The following RABIF variants were observed in gnomAD, a reference collection of about 807,000 sequenced individuals.
The protein encoded by RABIF is RAB interacting factor, also known as guanine nucleotide exchange factor MSS4.
RABIF carries 13 observed loss-of-function variants against 12.3 expected under a neutral mutation model. The observed-to-expected ratio is 1.06, with a 90% confidence interval of 0.69 to 1.68. The LOEUF is 1.68. RABIF is among the 40% of genes most tolerant of loss of function. The pLI is 0.00. For missense variants in RABIF, 153 were observed against 158.0 expected, an observed-to-expected ratio of 0.97 and a Z score of 0.17; for synonymous variants, 70 against 63.3, an observed-to-expected ratio of 1.11 and a Z score of -0.50.
At position 202,878,403 on chromosome 1, in the gene RABIF, G is replaced by A. The variant is rs1037269803; in HGVS notation, c.*2575C>T. ...GGTTCCCATCTCCTCTGCTGTCCTG[G>A]TTTAGCAATTCTTCAAAGTCAAGTC... On this transcript the variant is annotated 3_prime_UTR_variant, in exon 2 of 2. Transcript: ENST00000367262. Among the ~76,000 whole-genome samples, 1 of 152,124 alleles carries A rather than the reference G, an allele frequency of 6.6e-6. No individual in the cohort carries two copies.
intron 1 of RABIF, among the ~76,000 whole-genome samples, chr1:202,887,327 A>G (rs1182715458): frequency 6.6e-6 from 1 of 151,836 alleles, no homozygotes; most frequent in African/African-American, 2.4e-5. Flanking sequence ...AAACTTTCTT[A>G]AAACATTATG....
At position 202,881,166 on chromosome 1, in the gene RABIF, C is replaced by T. The variant is rs554345924; in HGVS notation, c.184G>A (p.Gly62Ser). ...PALSDGSNPD[G>S]DLLQEHWLVE... is the part of the protein sequence containing the mutation. ...AGCCAGTGTTCCTGGAGGAGATCGC[C>T]GTCAGGATTGCTGCCGTCAGACAGA... The change falls in exon 2 of 2, where the codon GGC becomes AGC. Residue 62 changes from glycine to serine, a missense_variant. This residue lies in a region of RABIF where 113 missense variants were observed against 90.9 expected (regional missense o/e 1.24). Transcript: ENST00000367262. The T allele has an allele frequency of 2.9e-5, 47 of 1,614,116 alleles. No homozygotes were observed. The highest frequency in any genetic ancestry group is 2.8e-4 in the Admixed American group (17 of 60,016).
chr1:202,884,344 A>AT (rs1322565513), intron 1 of RABIF, among the ~76,000 whole-genome samples: 32 of 152,120 alleles, frequency 2.1e-4, no homozygotes, highest in African/African-American at 7.2e-4. Context: ...CTTTTTCGTA[A>AT]TCTTTTTCCC....
chr1:202,882,040 C>G (rs1271363385), intron 1 of RABIF, among the ~76,000 whole-genome samples: 2 of 152,308 alleles, frequency 1.3e-5, no homozygotes, highest in East Asian at 1.9e-4. Flanking sequence ...TGCACATTAG[C>G]TTGGGCAACA....
At chr1:202,883,133 C>G (rs926032082) in intron 1 of RABIF, among the ~76,000 whole-genome samples, 10 of 152,170 alleles carry the variant, frequency 6.6e-5, no homozygotes, top group Non-Finnish European at 1.2e-4. Flanking sequence ...TTTGTTACCC[C>G]TCTGCTCCTC....
rs1278012020 is a variant in RABIF at position 202,878,502 on chromosome 1, A to G, written c.*2476T>C. 6.6e-6 allele frequency among the ~76,000 whole-genome samples: 1 copy of G among 152,236 alleles called. No individual in the cohort carries two copies. The highest frequency in any genetic ancestry group is 1.9e-4 in the East Asian group (1 of 5,202). ...TTTCTAGTTAACCAGTGAGCTGGGT[A>G]GTCCAAAGGACCTATCCACCATTAT... On this transcript the variant is annotated 3_prime_UTR_variant, in exon 2 of 2. Coordinates refer to ENST00000367262, the MANE Select transcript of RABIF (RefSeq NM_002871.5).
chr1:202,881,734 G>GGGGCACCAGCTGGGTGA (rs1659494999), intron 1 of RABIF, among the ~76,000 whole-genome samples: 2 of 152,016 alleles, frequency 1.3e-5, no homozygotes, highest in Non-Finnish European at 2.9e-5. Context: ...CAGCTGGGTG[G>GGGGCACCAGCTGGGTGA]TCTGGGAACT....
At chr1:202,883,305 T>A (rs946808706) in intron 1 of RABIF, among the ~76,000 whole-genome samples, 1 of 152,246 alleles carries the variant, frequency 6.6e-6, no homozygotes, top group African/African-American at 2.4e-5. Context: ...TAACTGGGGT[T>A]ACAGTACAAG....
At chr1:202,881,951 C>CT (rs1345248271) in intron 1 of RABIF, among the ~76,000 whole-genome samples, 1 of 152,240 alleles carries the variant, frequency 6.6e-6, no homozygotes, top group Non-Finnish European at 1.5e-5. Flanking sequence ...CCTGAATTAG[C>CT]TTTACTTACT....
chr1:202,888,858 G>A (rs1571506884), intron 1 of RABIF, 115 bp downstream of exon 1: 3 of 1,385,256 alleles, frequency 2.2e-6, no homozygotes, highest in East Asian at 5.7e-5. Context: ...GGGGCTTAAG[G>A]CCGCGCGAGG....
intron 1 of RABIF, among the ~76,000 whole-genome samples, chr1:202,886,223 C>CAA (rs1557979767): frequency 4.9e-5 from 2 of 40,436 alleles, no homozygotes; most frequent in Admixed American, 6.8e-4. Context: ...TGACAGAGCA[C>CAA]AACGGGGAAC....
Position 202,889,034 on chromosome 1 carries a change from A to C in RABIF, c.65T>G (p.Leu22Arg), listed in dbSNP as rs1234888434. ...SAEGRNRKAVLCQRCGSRVLQ... is the reference protein window; with the variant it reads ...SAEGRNRKAVRCQRCGSRVLQ... ...CACCCGGGAGCCGCAACGCTGGCAC[A>C]GCACCGCCTTCCGGTTTCGGCCCTC... The change falls in exon 1 of 2, where the codon CTG becomes CGG. Residue 22 changes from leucine (L) to arginine (R), a missense_variant. By Grantham distance (102) the Leu-to-Arg change is moderately radical. Coordinates refer to ENST00000367262, the MANE Select transcript of RABIF (RefSeq NM_002871.5). 1 of 1,609,366 alleles carries C rather than the reference A, an allele frequency of 6.2e-7. No individual in the cohort carries two copies. Among genetic ancestry groups the C allele is most frequent in the African/African-American group, 1.3e-5 (1 of 74,824 alleles).
rs1659464957 is a variant in RABIF, at chr1:202,880,040, C to T, written c.*938G>A. Reference sequence around the variant, plus strand: ...CAGAGATTCCAGTTGAACCAAAACTCCATGAGGACCATGCCCAGTAGGTTC... The same window carrying T: ...CAGAGATTCCAGTTGAACCAAAACTTCATGAGGACCATGCCCAGTAGGTTC... On this transcript the variant is annotated 3_prime_UTR_variant, in exon 2 of 2. Coordinates refer to ENST00000367262, the MANE Select transcript of RABIF (RefSeq NM_002871.5). 1 of 152,180 alleles carries T rather than the reference C, an allele frequency of 6.6e-6. No homozygotes were observed. The highest frequency in any genetic ancestry group is 6.5e-5 in the Admixed American group (1 of 15,280). 9.4% of individuals were successfully genotyped at this position (152,180 alleles called of 1,614,324 possible). A position where few individuals can be genotyped will look rare whatever the true frequency, so the allele number is the denominator to read the frequency against.
At position 202,879,825 on chromosome 1, in the gene RABIF, C is replaced by T. The variant is rs894232184; in HGVS notation, c.*1153G>A. ...AGTAGAGGTGGTGACAGGAGGATAC[C>T]TGAAACCTTGGTTATATAATAAACT... On this transcript the variant is annotated 3_prime_UTR_variant, in exon 2 of 2. Transcript: ENST00000367262. The T allele has an allele frequency of 8.5e-5, 13 of 152,150 alleles. No homozygotes were observed. The highest frequency in any genetic ancestry group is 3.3e-4 in the Admixed American group (5 of 15,280). The allele number at this position is 152,150 out of a possible 1,614,324, so 9.4% of individuals were successfully genotyped here. A position where few individuals can be genotyped will look rare whatever the true frequency, so the allele number is the denominator to read the frequency against.
intron 1 of RABIF, among the ~76,000 whole-genome samples, chr1:202,888,617 G>A (rs1659599608): frequency 6.6e-6 from 1 of 152,214 alleles, no homozygotes; most frequent in Non-Finnish European, 1.5e-5. Context: ...AGCTCCGAGA[G>A]CCGGAATGGG....
At position 202,878,804 on chromosome 1, in the gene RABIF, T is replaced by C. The variant is rs1362565428; in HGVS notation, c.*2174A>G. 6.6e-6 allele frequency among the ~76,000 whole-genome samples: 1 copy of C among 152,204 alleles called. No homozygotes were observed. The highest frequency in any genetic ancestry group is 1.5e-5 in the Non-Finnish European group (1 of 68,040). On this transcript the variant is annotated 3_prime_UTR_variant, in exon 2 of 2. Coordinates refer to ENST00000367262, the MANE Select transcript of RABIF (RefSeq NM_002871.5). ...TCACAAGTATGTACTGAGAGCCTATTAGGTGTGAGGGAAATGAAGAAATGA... is the reference window on the plus strand; with the variant it reads ...TCACAAGTATGTACTGAGAGCCTATCAGGTGTGAGGGAAATGAAGAAATGA...
chr1:202,882,487 T>C (rs1363938542), intron 1 of RABIF, among the ~76,000 whole-genome samples: 4 of 152,086 alleles, frequency 2.6e-5, no homozygotes, highest in Non-Finnish European at 5.9e-5. Flanking sequence ...GCCGGGGAGA[T>C]TGAGACTACA....
Position 202,881,178 on chromosome 1 carries a change from T to C in RABIF, c.172A>G (p.Ser58Gly), listed in dbSNP as rs1275514305. 1.2e-6 allele frequency: 2 copies of C among 1,614,186 alleles called. No homozygotes were observed. Among genetic ancestry groups the C allele is most frequent in the South Asian group, 1.1e-5 (1 of 91,084 alleles). ...TGGAGGAGATCGCCGTCAGGATTGC[T>C]GCCGTCAGACAGAGCTGGCTTCTTT... ...MRKKPALSDG[S>G]NPDGDLLQEH... The change falls in exon 2 of 2, where the codon AGC becomes GGC. Residue 58 changes from serine (S) to glycine (G), a missense_variant. Coordinates refer to ENST00000367262, the MANE Select transcript of RABIF (RefSeq NM_002871.5).
chr1:202,888,179 A>G (rs950777476), intron 1 of RABIF, among the ~76,000 whole-genome samples: 1 of 152,222 alleles, frequency 6.6e-6, no homozygotes, highest in Non-Finnish European at 1.5e-5. Context: ...GGATGTGTCT[A>G]TGGTTGAAAT....
Sources: gnomAD v4.1 joint callset for allele counts (sites outside exome capture counted in the v4.1 genomes callset) on GRCh38, gnomAD v4.1.1 for gene constraint, gnomAD v4.1.1 regional missense constraint, MANE v1.5 for transcripts, NCBI Gene and HGNC (gene_info 2026-07-23, HGNC 2026-07-21) for gene names.